Variants in AGBL1 observed in about 807,000 individuals in gnomAD.
AGBL1 encodes the protein cytosolic carboxypeptidase 4.
A neutral mutation model predicts 118.9 loss-of-function variants in AGBL1; 130 were observed. The ratio of observed to expected loss-of-function variants is 1.09; its 90% CI spans 0.95 to 1.26. The LOEUF (loss-of-function observed/expected upper bound fraction) is 1.26, where lower values mean the gene tolerates loss of function less well. Ranked by LOEUF, AGBL1 falls within the 50% of genes most tolerant of loss-of-function variation. AGBL1 has a pLI of 0.00. For synonymous variants in AGBL1, 555 were observed against 478.9 expected (o/e 1.16, Z -2.08); for missense variants, 1,584 against 1,298.1 (o/e 1.22, Z -3.38).
chr15:86,431,534 A>G (rs557538629), intron 18 of AGBL1, among the ~76,000 whole-genome samples: 24 of 152,340 alleles, frequency 1.6e-4, no homozygotes, highest in Middle Eastern at 3.4e-3. Context: ...CTGTCTCCAT[A>G]GGACAAAGTG....
intron 22 of AGBL1, among the ~76,000 whole-genome samples, chr15:86,878,340 T>C (rs1281417009): frequency 6.6e-6 from 1 of 152,156 alleles, no homozygotes; most frequent in African/African-American, 2.4e-5. Flanking sequence ...GACAATACAA[T>C]GGGCATGGCT....
intron 24 of AGBL1, among the ~76,000 whole-genome samples, chr15:87,011,638 A>T (rs1373312746): frequency 6.6e-6 from 1 of 152,168 alleles, no homozygotes; most frequent in African/African-American, 2.4e-5. Context: ...CCAGCATGCT[A>T]CCCAAACTGA....
chr15:86,302,085 A>G (rs1485764820), intron 17 of AGBL1, among the ~76,000 whole-genome samples: 1 of 151,986 alleles, frequency 6.6e-6, no homozygotes, highest in Non-Finnish European at 1.5e-5. Context: ...GACATCGAGG[A>G]TGGTTGAATA....
chr15:86,126,089 G>T (rs1181826328), intron 1 of AGBL1, among the ~76,000 whole-genome samples: 1 of 151,870 alleles, frequency 6.6e-6, no homozygotes, highest in South Asian at 2.1e-4. Flanking sequence ...TTGAAGACTT[G>T]ATCCATAGTG....
intron 16 of AGBL1, among the ~76,000 whole-genome samples, chr15:86,292,033 T>TA (rs1172836848): frequency 6.6e-6 from 1 of 152,194 alleles, no homozygotes; most frequent in Non-Finnish European, 1.5e-5. Flanking sequence ...AACCTGTTTC[T>TA]AAGACACAGT....
At chr15:86,234,454 G>A (rs556043867) in intron 6 of AGBL1, among the ~76,000 whole-genome samples, 39 of 151,310 alleles carry the variant, frequency 2.6e-4, no homozygotes, top group Middle Eastern at 6.8e-3. Context: ...GGGAGGCTGA[G>A]GCAGAAGAAT....
chr15:86,627,099 C>T (rs887589203), intron 21 of AGBL1, among the ~76,000 whole-genome samples: 1 of 151,992 alleles, frequency 6.6e-6, no homozygotes, highest in Admixed American at 6.6e-5. Flanking sequence ...CTCCTGGGTT[C>T]AAGTGATTCT....
intron 6 of AGBL1, among the ~76,000 whole-genome samples, chr15:86,236,922 G>A (rs1255909303): frequency 2.9e-5 from 3 of 103,196 alleles, no homozygotes. Context: ...CACACACGGG[G>A]ATATGTGGGC....
chr15:86,441,022 C>T (rs901320614), intron 18 of AGBL1, among the ~76,000 whole-genome samples: 4 of 152,148 alleles, frequency 2.6e-5, no homozygotes, highest in Admixed American at 2.6e-4. Flanking sequence ...AAAGACCTAA[C>T]ATTTAGAATT....
At chr15:86,419,709 A>T (rs1567248094) in intron 18 of AGBL1, among the ~76,000 whole-genome samples, 1 of 152,140 alleles carries the variant, frequency 6.6e-6, no homozygotes, top group Non-Finnish European at 1.5e-5. Flanking sequence ...GCTAAGATTC[A>T]CTGGCTTGAA....
At chr15:86,707,333 G>A (rs912584860) in intron 22 of AGBL1, among the ~76,000 whole-genome samples, 3 of 152,224 alleles carry the variant, frequency 2.0e-5, no homozygotes, top group African/African-American at 7.2e-5. Flanking sequence ...TCATGGGAAT[G>A]ATTTCCATTT....
At chr15:86,925,709 CT>C (rs1432663542) in intron 23 of AGBL1, among the ~76,000 whole-genome samples, 8 of 143,444 alleles carry the variant, frequency 5.6e-5, no homozygotes, top group African/African-American at 1.5e-4. Flanking sequence ...TTTTCTTTTT[CT>C]TTTTCTTTTC....
At chr15:86,497,534 C>T (rs1488735125) in intron 18 of AGBL1, among the ~76,000 whole-genome samples, 1 of 151,886 alleles carries the variant, frequency 6.6e-6, no homozygotes, top group African/African-American at 2.4e-5. Flanking sequence ...GAAATGTGTC[C>T]TCCTGTTTTT....
At chr15:86,964,171 C>A (rs551459461) in intron 23 of AGBL1, among the ~76,000 whole-genome samples, 2 of 152,000 alleles carry the variant, frequency 1.3e-5, no homozygotes, top group South Asian at 2.1e-4. Context: ...GAATTAGGGA[C>A]CAAACCTGGT....
chr15:86,726,227 G>A (rs924307021), intron 22 of AGBL1, among the ~76,000 whole-genome samples: 1 of 152,182 alleles, frequency 6.6e-6, no homozygotes, highest in Non-Finnish European at 1.5e-5. Flanking sequence ...ACTTGGCAGA[G>A]CTGTGACTAA....
intron 18 of AGBL1, among the ~76,000 whole-genome samples, chr15:86,465,287 T>G (rs2082388037): frequency 6.6e-6 from 1 of 152,248 alleles, no homozygotes; most frequent in South Asian, 2.1e-4. Flanking sequence ...GTGTTTACTT[T>G]AATCTCTCAA....
intron 23 of AGBL1, among the ~76,000 whole-genome samples, chr15:86,974,173 A>G (rs2081143812): frequency 0.5 from 1 of 2 alleles, no homozygotes; most frequent in African/African-American, 0.5. Flanking sequence ...AAATATAAAC[A>G]TTTTAATATA....
chr15:86,244,054 G>A (rs184721067), intron 6 of AGBL1, among the ~76,000 whole-genome samples: 114 of 73,182 alleles, frequency 1.6e-3, no homozygotes, highest in African/African-American at 5.7e-3. Flanking sequence ...TAGATAGATA[G>A]ATAAATAAGT....
intron 22 of AGBL1, among the ~76,000 whole-genome samples, chr15:86,851,764 A>G (rs975691485): frequency 1.3e-5 from 2 of 152,092 alleles, no homozygotes; most frequent in African/African-American, 2.4e-5. Flanking sequence ...GATGGTGAGC[A>G]GTGGGGTCCC....
Sources: gnomAD v4.1 joint callset for allele counts (sites outside exome capture counted in the v4.1 genomes callset) on GRCh38, gnomAD v4.1.1 for gene constraint, MANE v1.5 for transcripts, NCBI Gene and HGNC (gene_info 2026-07-23, HGNC 2026-07-21) for gene names.